Variants in RAB6A observed in about 807,000 individuals in gnomAD.
The protein encoded by RAB6A is RAB6A, member RAS oncogene family.
RAB6A carries 8 observed loss-of-function variants against 32.3 expected under a neutral mutation model. The ratio of observed to expected loss-of-function variants is 0.25; its 90% CI spans 0.15 to 0.45. RAB6A has a LOEUF of 0.45. RAB6A is among the 20% of genes least tolerant of loss of function. RAB6A has a pLI of 1.00. For synonymous variants in RAB6A, 73 were observed against 82.1 expected (o/e 0.89, Z 0.60); for missense variants, 104 against 249.4 (o/e 0.42, Z 3.93).
chr11:73,725,181 G>A (rs1015814166), intron 2 of RAB6A, among the ~76,000 whole-genome samples: 16 of 152,236 alleles, frequency 1.1e-4, no homozygotes, highest in African/African-American at 3.6e-4. Flanking sequence ...TCTCTAAGAA[G>A]CAAGGTCTTC....
At chr11:73,700,616 G>C (rs1403713041) in intron 6 of RAB6A, among the ~76,000 whole-genome samples, 22 of 129,678 alleles carry the variant, frequency 1.7e-4, no homozygotes, top group Non-Finnish European at 2.3e-4. Flanking sequence ...GTGTGGGGGG[G>C]GGGGGGGGAG....
At chr11:73,746,838 T>C (rs1297698230) in intron 1 of RAB6A, among the ~76,000 whole-genome samples, 1 of 152,090 alleles carries the variant, frequency 6.6e-6, no homozygotes, top group Admixed American at 6.6e-5. Flanking sequence ...GCCTACTTAC[T>C]AACCACGCAA....
Position 73,697,684 on chromosome 11 carries a change from T to C in RAB6A, c.495+9736A>G, listed in dbSNP as rs1945676173. On this transcript the variant is annotated intron_variant, in intron 6 of 7. Transcript: ENST00000336083. ...TTCTCTATAGAATCTATAACCTCCTTAAGGATTATATTTCACTAATTGTCT... is the reference window on the plus strand; with the variant it reads ...TTCTCTATAGAATCTATAACCTCCTCAAGGATTATATTTCACTAATTGTCT... Among the ~76,000 whole-genome samples, 3 of 152,116 alleles carry C rather than the reference T, an allele frequency of 2.0e-5. No individual in the cohort carries two copies. The South Asian group carries it at 6.2e-4, about 32-fold the overall frequency.
chr11:73,692,788 CAAAAAAAAA>C lies in RAB6A; in HGVS notation c.496-13077_496-13069del, dbSNP rs140762210. On this transcript the variant is annotated intron_variant, in intron 6 of 7. Coordinates refer to ENST00000336083, the MANE Select transcript of RAB6A (RefSeq NM_198896.2). The stretch of plus-strand genomic sequence containing the variant: ...TGAAACCCTGTCTCTACTAAAAATA[CAAAAAAAAA>C]AAAAAAAAAAAAAATTAGCCGGGCG... 5.5e-3 allele frequency among the ~76,000 whole-genome samples: 539 copies of C among 98,190 alleles called. 6 individuals carry two copies. Among genetic ancestry groups the C allele is most frequent in the African/African-American group, 0.019 (475 of 25,260 alleles). The allele number at this position is 98,190 out of a possible 152,430, so 64.4% of individuals were successfully genotyped here.
chr11:73,717,508 G>A (rs186931728), intron 4 of RAB6A, among the ~76,000 whole-genome samples: 327 of 152,276 alleles, frequency 2.1e-3, no homozygotes, highest in Non-Finnish European at 3.9e-3. Flanking sequence ...GCAATGGCAC[G>A]GTCTTGGCTC....
At chr11:73,696,525 A>G (rs4944028) in intron 6 of RAB6A, among the ~76,000 whole-genome samples, 15,204 of 151,992 alleles carry the variant, frequency 0.1, 859 homozygotes, top group South Asian at 0.27. Flanking sequence ...TCTCCATCTT[A>G]ATTTTGGTAG....
intron 2 of RAB6A, among the ~76,000 whole-genome samples, chr11:73,726,442 C>T (rs1017276705): frequency 5.3e-5 from 8 of 150,720 alleles, no homozygotes; most frequent in Admixed American, 1.3e-4. Context: ...ATTAGCCAGG[C>T]GTGGTGGCAG....
intron 4 of RAB6A, among the ~76,000 whole-genome samples, chr11:73,716,922 T>C (rs1946061984): frequency 6.6e-6 from 1 of 152,232 alleles, no homozygotes; most frequent in Non-Finnish European, 1.5e-5. Flanking sequence ...TTTTCTAGTG[T>C]TGGATTCTAA....
rs750488240 is a variant in RAB6A at position 73,685,286 on chromosome 11, C to CTTTTT, written c.496-5571_496-5567dup. Among the ~76,000 whole-genome samples, 184 of 117,220 alleles carry CTTTTT rather than the reference C, an allele frequency of 1.6e-3. 5 individuals are homozygous for CTTTTT. The highest frequency in any genetic ancestry group is 2.3e-3 in the East Asian group (9 of 3,872). The allele number at this position is 117,220 out of a possible 152,430, so 76.9% of individuals were successfully genotyped here. On this transcript the variant is annotated intron_variant, in intron 6 of 7. Transcript: ENST00000336083. ...AGTACTGACCTGCTATATAGAAAGT[C>CTTTTT]TTTTTTTTTTTTTTTTTTTTGAGAC... is the stretch of plus-strand genomic sequence containing the variant.
intron 2 of RAB6A, among the ~76,000 whole-genome samples, chr11:73,725,350 G>A (rs1946199977): frequency 6.6e-6 from 1 of 152,198 alleles, no homozygotes; most frequent in South Asian, 2.1e-4. Context: ...GGAGAAATGA[G>A]ATGACTGGGT....
At chr11:73,693,872 A>G (rs1945615304) in intron 6 of RAB6A, among the ~76,000 whole-genome samples, 1 of 152,006 alleles carries the variant, frequency 6.6e-6, no homozygotes, top group African/African-American at 2.4e-5. Context: ...TCAAAAAAAA[A>G]AAAGCTAGGT....
intron 5 of RAB6A, among the ~76,000 whole-genome samples, chr11:73,711,411 T>A (rs1945955683): frequency 6.6e-6 from 1 of 152,226 alleles, no homozygotes; most frequent in Admixed American, 6.5e-5. Context: ...ACCCTGAAGA[T>A]TCACTCCATA....
At chr11:73,739,284 A>AATATATATATATATATATAT in intron 1 of RAB6A, among the ~76,000 whole-genome samples, 1 of 6,762 alleles carries the variant, frequency 1.5e-4, no homozygotes, top group African/African-American at 3.2e-4. Context: ...AAAAAAAAAA[A>AATATATATATATATATATAT]ATATATATAT....
intron 3 of RAB6A, among the ~76,000 whole-genome samples, chr11:73,719,920 T>C (rs1946109731): frequency 6.6e-6 from 1 of 151,750 alleles, no homozygotes; most frequent in African/African-American, 2.4e-5. Flanking sequence ...CTGGCCGCTT[T>C]CAAATTTTAA....
At chr11:73,702,765 T>A (rs1305610046) in intron 6 of RAB6A, among the ~76,000 whole-genome samples, 2 of 152,212 alleles carry the variant, frequency 1.3e-5, no homozygotes, top group Non-Finnish European at 2.9e-5. Context: ...TCATTATACC[T>A]GTAAATACAT....
At chr11:73,706,705 A>G (rs1398243432) in intron 6 of RAB6A, among the ~76,000 whole-genome samples, 1 of 152,180 alleles carries the variant, frequency 6.6e-6, no homozygotes, top group African/African-American at 2.4e-5. Flanking sequence ...ACACTGTTCA[A>G]ACACCAGCAT....
intron 1 of RAB6A, among the ~76,000 whole-genome samples, chr11:73,751,720 G>T (rs746768216): frequency 1.3e-5 from 2 of 152,096 alleles, no homozygotes; most frequent in African/African-American, 4.8e-5. Flanking sequence ...AAAGCAAGGA[G>T]ACTAAATGCA....
At chr11:73,710,068 C>T (rs1439753324) in intron 5 of RAB6A, among the ~76,000 whole-genome samples, 1 of 149,362 alleles carries the variant, frequency 6.7e-6, no homozygotes, top group Non-Finnish European at 1.5e-5. Flanking sequence ...ACGCCATTCT[C>T]CCGCCTCAAC....
chr11:73,683,868 G>A (rs2134867638), intron 6 of RAB6A, among the ~76,000 whole-genome samples: 1 of 152,180 alleles, frequency 6.6e-6, no homozygotes, highest in South Asian at 2.1e-4. Flanking sequence ...TGCCAATTTT[G>A]AAAGAAGTTC....
Sources: gnomAD v4.1 joint callset for allele counts (sites outside exome capture counted in the v4.1 genomes callset) on GRCh38, gnomAD v4.1.1 for gene constraint, MANE v1.5 for transcripts, NCBI Gene and HGNC (gene_info 2026-07-23, HGNC 2026-07-21) for gene names.